The following PHTF2 variants were observed in gnomAD, a reference collection of about 807,000 sequenced individuals.
PHTF2 encodes protein PHTF2.
Under a neutral mutation model 101.2 loss-of-function variants are expected in PHTF2, and 60 were observed. The ratio of observed to expected loss-of-function variants is 0.59; its 90% CI spans 0.48 to 0.73. The LOEUF (loss-of-function observed/expected upper bound fraction) is 0.73, where lower values mean the gene tolerates loss of function less well. Ranked by LOEUF, PHTF2 falls within the 30% of genes least tolerant of loss-of-function variation. The pLI, the probability that PHTF2 is intolerant of heterozygous loss-of-function variation, is 0.00. For missense variants in PHTF2, 747 were observed against 908.7 expected, an observed-to-expected ratio of 0.82 and a Z score of 2.29; for synonymous variants, 311 against 307.3, an observed-to-expected ratio of 1.01 and a Z score of -0.13.
At chr7:77,879,485 C>T (rs922878977) in intron 3 of PHTF2, among the ~76,000 whole-genome samples, 5 of 152,104 alleles carry the variant, frequency 3.3e-5, no homozygotes, top group African/African-American at 1.2e-4. Flanking sequence ...GGCTCCCTTT[C>T]TTCCATTCCC....
chr7:77,939,773 A>C (rs1289945996), intron 13 of PHTF2, among the ~76,000 whole-genome samples: 2 of 152,126 alleles, frequency 1.3e-5, no homozygotes, highest in Admixed American at 6.6e-5. Flanking sequence ...GAAATACATA[A>C]ATTTTTTTCA....
At chr7:77,924,062 A>G (rs532651022) in intron 11 of PHTF2, 80 of 951,540 alleles carry the variant, frequency 8.4e-5, no homozygotes, top group Non-Finnish European at 9.8e-5. Flanking sequence ...AATGTAGACT[A>G]GGTGATATTT....
chr7:77,893,100 T>C (rs1439721179), intron 3 of PHTF2, among the ~76,000 whole-genome samples: 1 of 152,220 alleles, frequency 6.6e-6, no homozygotes, highest in African/African-American at 2.4e-5. Flanking sequence ...TAAAAAGTTT[T>C]TTAATTTTTA....
At chr7:77,905,374 C>T (rs954680166) in intron 7 of PHTF2, among the ~76,000 whole-genome samples, 9 of 151,970 alleles carry the variant, frequency 5.9e-5, no homozygotes, top group Admixed American at 6.6e-5. Flanking sequence ...TATAGGAGCA[C>T]GCCACCATGC....
intron 8 of PHTF2, 117 bp downstream of exon 7, chr7:77,909,075 A>G: frequency 1.7e-6 from 1 of 572,464 alleles, no homozygotes; most frequent in Non-Finnish European, 2.8e-6. Flanking sequence ...TGCTGTTTCA[A>G]AAAAACACTG....
At chr7:77,800,534 T>C (rs1168394127) in intron 1 of PHTF2, among the ~76,000 whole-genome samples, 6 of 152,212 alleles carry the variant, frequency 3.9e-5, no homozygotes, top group African/African-American at 1.4e-4. Flanking sequence ...CACTCTTGCA[T>C]AGATAGTCAA....
chr7:77,821,335 A>G (rs185272909), intron 1 of PHTF2, among the ~76,000 whole-genome samples: 51 of 152,284 alleles, frequency 3.3e-4, no homozygotes, highest in Non-Finnish European at 5.0e-4. Context: ...GGTTGCGTCT[A>G]TTTGAGGTTC....
chr7:77,809,709 A>T (rs1207327303), intron 1 of PHTF2, among the ~76,000 whole-genome samples: 1 of 152,206 alleles, frequency 6.6e-6, no homozygotes, highest in African/African-American at 2.4e-5. Context: ...TACTACTATG[A>T]TCATATATTG....
At chr7:77,848,224 AGGAGTG>A (rs1358013005) in intron 2 of PHTF2, among the ~76,000 whole-genome samples, 1 of 152,156 alleles carries the variant, frequency 6.6e-6, no homozygotes, top group Admixed American at 6.5e-5. Flanking sequence ...GTATATACCT[AGGAGTG>A]GGCTTGCTGG....
intron 9 of PHTF2, among the ~76,000 whole-genome samples, chr7:77,911,168 T>C (rs1802357863): frequency 6.6e-6 from 1 of 150,676 alleles, no homozygotes. Context: ...CCATGAGCAT[T>C]TGTGTACTAT....
intron 5 of PHTF2, among the ~76,000 whole-genome samples, chr7:77,899,551 C>T (rs984063794): frequency 5.9e-5 from 9 of 151,938 alleles, no homozygotes; most frequent in African/African-American, 2.2e-4. Context: ...TTTGTTTTTG[C>T]ATCTCTGGGT....
intron 16 of PHTF2, among the ~76,000 whole-genome samples, chr7:77,945,951 G>T (rs1205534493): frequency 6.6e-6 from 1 of 152,094 alleles, no homozygotes; most frequent in African/African-American, 2.4e-5. Context: ...AGGAAAAGGG[G>T]ATATTCTTCA....
intron 1 of PHTF2, among the ~76,000 whole-genome samples, chr7:77,810,166 T>G (rs1793323934): frequency 6.6e-6 from 1 of 152,208 alleles, no homozygotes. Context: ...CTTTATCATT[T>G]TCTTTCTCGA....
chr7:77,827,902 C>T (rs1214124677), intron 1 of PHTF2, among the ~76,000 whole-genome samples: 1 of 152,088 alleles, frequency 6.6e-6, no homozygotes, highest in Non-Finnish European at 1.5e-5. Flanking sequence ...ACTTAGCCTC[C>T]CAAAGTGCTG....
chr7:77,850,283 C>G (rs1796636668), intron 2 of PHTF2, among the ~76,000 whole-genome samples: 1 of 143,430 alleles, frequency 7.0e-6, no homozygotes, highest in Non-Finnish European at 1.5e-5. Context: ...CACTTGAGCC[C>G]TAGAATTGAG....
At position 77,922,801 on chromosome 7, in the gene PHTF2, T is replaced by C. The variant is rs1259974382; in HGVS notation, c.1119+23T>C. On this transcript the variant is annotated intron_variant, in intron 11 of 19. Coordinates refer to ENST00000416283, the Ensembl canonical transcript of PHTF2. ...GAGGTATATACTTTGTCCTTAAGTGTATACATACGTATCTATTTTATATGT... is the reference window on the plus strand; with the variant it reads ...GAGGTATATACTTTGTCCTTAAGTGCATACATACGTATCTATTTTATATGT... 2.8e-6 allele frequency: 4 copies of C among 1,448,054 alleles called. No homozygotes were observed. In the African/African-American group the frequency reaches 5.6e-5, roughly 20 times the overall value. 89.7% of individuals were successfully genotyped at this position (1,448,054 alleles called of 1,614,324 possible).
chr7:77,918,728 A>G (rs1392262380), intron 9 of PHTF2, among the ~76,000 whole-genome samples: 1 of 152,138 alleles, frequency 6.6e-6, no homozygotes, highest in Non-Finnish European at 1.5e-5. Flanking sequence ...CCTCTATCCT[A>G]TAATTCATGT....
chr7:77,853,417 A>C (rs1458043918), intron 2 of PHTF2, among the ~76,000 whole-genome samples: 1 of 150,806 alleles, frequency 6.6e-6, no homozygotes, highest in East Asian at 1.9e-4. Context: ...TTTTTGAGAC[A>C]GAGTCTTGCT....
At chr7:77,879,012 C>T (rs549855833) in intron 3 of PHTF2, among the ~76,000 whole-genome samples, 4 of 152,148 alleles carry the variant, frequency 2.6e-5, no homozygotes, top group East Asian at 3.9e-4. Context: ...TCTGTGATGC[C>T]GTGGTTAGTA....
Sources: allele counts gnomAD v4.1 joint callset (sites outside exome capture counted in the v4.1 genomes callset), GRCh38; gene constraint gnomAD v4.1.1; transcripts MANE v1.5; gene names NCBI Gene and HGNC (gene_info 2026-07-23, HGNC 2026-07-21).